Variants in RTRAF observed in about 807,000 individuals in gnomAD.
RTRAF encodes tRNA-splicing ligase complex subunit RTRAF.
A neutral mutation model predicts 34.4 loss-of-function variants in RTRAF; 14 were observed. The ratio of observed to expected loss-of-function variants is 0.41; its 90% CI spans 0.27 to 0.64. RTRAF has a LOEUF of 0.64. Ranked by LOEUF, RTRAF falls within the 30% of genes least tolerant of loss-of-function variation. RTRAF has a pLI of 0.34. For synonymous variants in RTRAF, 96 were observed against 95.3 expected (o/e 1.01, Z -0.04); for missense variants, 291 against 288.4 (o/e 1.01, Z -0.06).
At chr14:51,995,644 A>G (rs1200971651) in intron 3 of RTRAF, among the ~76,000 whole-genome samples, 2 of 152,052 alleles carry the variant, frequency 1.3e-5, no homozygotes, top group East Asian at 3.9e-4. Flanking sequence ...GTGCTTATCA[A>G]TTTCAGTAAT....
chr14:52,000,864 G>A (rs1215854539), intron 5 of RTRAF, among the ~76,000 whole-genome samples: 4 of 152,140 alleles, frequency 2.6e-5, no homozygotes, highest in African/African-American at 7.2e-5. Flanking sequence ...AATGCATAGC[G>A]TATTTGGGAT....
At position 52,004,102 on chromosome 14, in the gene RTRAF, A is replaced by G. The variant is rs1048041143; in HGVS notation, c.532-92A>G. 38 of 1,105,078 alleles carry G rather than the reference A, an allele frequency of 3.4e-5. No homozygotes were observed. The African/African-American group carries it at 4.7e-4, about 14-fold the overall frequency. 68.5% of individuals were successfully genotyped at this position (1,105,078 alleles called of 1,614,324 possible). A position where few individuals can be genotyped will look rare whatever the true frequency, so the allele number is the denominator to read the frequency against. The stretch of plus-strand genomic sequence containing the variant: ...CCCATGCAGCTAAAAGAGTTAAGAC[A>G]CCAGAATAGCTAGGTGCTTTTCAGT... On this transcript the variant is annotated intron_variant, in intron 6 of 7. Transcript: ENST00000261700.
chr14:52,005,426 C>CTGTTCTTTAGGGTCCAGGTTCTGATTG lies in RTRAF; in HGVS notation c.*912_*938dup. ...TTTACTTTCTTTGCCTTTGCAGTCA[C>CTGTTCTTTAGGGTCCAGGTTCTGATTG]TGTTCTTTAGGGTCCAGGTTCTGAT... On this transcript the variant is annotated 3_prime_UTR_variant, in exon 8 of 8. Transcript: ENST00000261700. The CTGTTCTTTAGGGTCCAGGTTCTGATTG allele has an allele frequency of 6.8e-7, 1 of 1,474,150 alleles. No individual in the cohort carries two copies. The highest frequency in any genetic ancestry group is 2.3e-5 in the Admixed American group (1 of 43,356). The allele number at this position is 1,474,150 out of a possible 1,614,324, so 91.3% of individuals were successfully genotyped here.
In RTRAF at chr14:52,007,080, A is replaced by G. The variant is rs945273788; in HGVS notation, c.*2564A>G. Reference sequence around the variant, plus strand: ...AAAATATTTTCTAGGTAGGAGGAAAAAAGTGACTAAAATGGTAACATAACT... The same window carrying G: ...AAAATATTTTCTAGGTAGGAGGAAAGAAGTGACTAAAATGGTAACATAACT... On this transcript the variant is annotated 3_prime_UTR_variant, in exon 8 of 8. Transcript: ENST00000261700. The G allele has an allele frequency of 5.1e-5, 8 of 155,814 alleles. No individual in the cohort carries two copies. Among genetic ancestry groups the G allele is most frequent in the African/African-American group, 1.9e-4 (8 of 41,488 alleles). The allele number at this position is 155,814 out of a possible 1,614,324, so 9.7% of individuals were successfully genotyped here.
At chr14:52,002,609 A>G (rs763285990) in intron 6 of RTRAF, among the ~76,000 whole-genome samples, 17 of 152,352 alleles carry the variant, frequency 1.1e-4, no homozygotes, top group Admixed American at 5.2e-4. Context: ...TTTAGATTAT[A>G]TCAGAAATCC....
intron 1 of RTRAF, among the ~76,000 whole-genome samples, chr14:51,990,114 C>T (rs1434225294): frequency 6.6e-6 from 1 of 152,158 alleles, no homozygotes; most frequent in Non-Finnish European, 1.5e-5. Context: ...GACTAGTTCA[C>T]TGCCTGCCAG....
At chr14:51,992,406 T>G (rs1234420185) in intron 2 of RTRAF, among the ~76,000 whole-genome samples, 1 of 152,188 alleles carries the variant, frequency 6.6e-6, no homozygotes. Flanking sequence ...CCTTTCCGTG[T>G]CTCAATTTTT....
Position 52,004,668 on chromosome 14 carries a change from T to TTTCTTTAATAAAGTTTA in RTRAF, c.*153_*169dup. ...ATTTACCACCATTGCTTATTGCTTT[T>TTTCTTTAATAAAGTTTA]TTCTTTAATAAAGTTTAGGAAAGTA... On this transcript the variant is annotated 3_prime_UTR_variant, in exon 8 of 8. Coordinates refer to ENST00000261700, the MANE Select transcript of RTRAF (RefSeq NM_016039.3). 1.5e-6 allele frequency: 1 copy of TTTCTTTAATAAAGTTTA among 656,752 alleles called. No homozygotes were observed. Among genetic ancestry groups the TTTCTTTAATAAAGTTTA allele is most frequent in the Non-Finnish European group, 2.5e-6 (1 of 405,612 alleles). 40.7% of individuals were successfully genotyped at this position (656,752 alleles called of 1,614,324 possible).
chr14:52,008,121 T>G lies in RTRAF; in HGVS notation c.*3605T>G, dbSNP rs993830757. ...TGCATTAGTAGTGTCTTGCTTCTTC[T>G]AGTGCATAGAGTATAGCAGAAGTGA... is the stretch of plus-strand genomic sequence containing the variant. On this transcript the variant is annotated 3_prime_UTR_variant, in exon 8 of 8. Transcript: ENST00000261700. The G allele has an allele frequency of 7.5e-5, 45 of 603,046 alleles. No individual in the cohort carries two copies. The African/African-American group carries it at 7.8e-4, about 11-fold the overall frequency. The allele number at this position is 603,046 out of a possible 1,614,324, so 37.4% of individuals were successfully genotyped here.
In RTRAF at chr14:52,005,698, C is replaced by T. The variant is rs372468937; in HGVS notation, c.*1182C>T. The T allele has an allele frequency of 2.3e-5, 35 of 1,519,416 alleles. No individual in the cohort carries two copies. In the East Asian group the frequency reaches 2.7e-4, roughly 12 times the overall value. 94.1% of individuals were successfully genotyped at this position (1,519,416 alleles called of 1,614,324 possible). A position where few individuals can be genotyped will look rare whatever the true frequency, so the allele number is the denominator to read the frequency against. ...ATACCATATATATCCCTTCTCTACC[C>T]TGCTAATTTAAAGGAGCATCCTAAA... On this transcript the variant is annotated 3_prime_UTR_variant, in exon 8 of 8. Transcript: ENST00000261700.
intron 5 of RTRAF, 57 bp downstream of exon 5, chr14:51,999,853 A>T (rs1890574670): frequency 8.3e-7 from 1 of 1,208,238 alleles, no homozygotes. Context: ...AAATGTCTTT[A>T]TTTTCTAAAT....
At chr14:51,993,534 T>G (rs982323367) in intron 2 of RTRAF, among the ~76,000 whole-genome samples, 189 bp from the exon 3 acceptor site, 1 of 152,204 alleles carries the variant, frequency 6.6e-6, no homozygotes, top group Non-Finnish European at 1.5e-5. Context: ...CGTATTCTAT[T>G]TTTTTTCTTA....
Position 52,004,675 on chromosome 14 carries a change from A to AATAAAGTTTAGGAAAGTAGAATT in RTRAF, c.*160_*182dup. On this transcript the variant is annotated 3_prime_UTR_variant, in exon 8 of 8. Coordinates refer to ENST00000261700, the MANE Select transcript of RTRAF (RefSeq NM_016039.3). ...ACCATTGCTTATTGCTTTTTTCTTT[A>AATAAAGTTTAGGAAAGTAGAATT]ATAAAGTTTAGGAAAGTAGAATTTT... 1 of 640,462 alleles carries AATAAAGTTTAGGAAAGTAGAATT rather than the reference A, an allele frequency of 1.6e-6. No individual in the cohort carries two copies. The allele number at this position is 640,462 out of a possible 1,614,324, so 39.7% of individuals were successfully genotyped here. A position where few individuals can be genotyped will look rare whatever the true frequency, so the allele number is the denominator to read the frequency against.
chr14:52,003,645 G>A (rs1427588276), intron 6 of RTRAF, among the ~76,000 whole-genome samples: 1 of 152,098 alleles, frequency 6.6e-6, no homozygotes, highest in East Asian at 1.9e-4. Context: ...GAGTGGTTTA[G>A]TTTTTCATTT....
intron 4 of RTRAF, 72 bp downstream of exon 4, chr14:51,998,652 G>T: frequency 1.0e-6 from 1 of 967,276 alleles, no homozygotes; most frequent in East Asian, 2.7e-5. Context: ...TTTGAAGAAT[G>T]AAGTCCAGGT....
In RTRAF at chr14:52,010,051, A is replaced by G. The variant is rs1422973665; in HGVS notation, c.*5535A>G. Reference sequence around the variant, plus strand: ...GTCCAAATGTCAGAAAGGCAAGCCTATGCAAAGAGTTTTTAAGAGGGCTAT... The same window carrying G: ...GTCCAAATGTCAGAAAGGCAAGCCTGTGCAAAGAGTTTTTAAGAGGGCTAT... On this transcript the variant is annotated 3_prime_UTR_variant, in exon 8 of 8. Coordinates refer to ENST00000261700, the MANE Select transcript of RTRAF (RefSeq NM_016039.3). The G allele has an allele frequency of 1.3e-5, 2 of 152,230 alleles. No individual in the cohort carries two copies. Among genetic ancestry groups the G allele is most frequent in the Admixed American group, 6.5e-5 (1 of 15,278 alleles). 9.4% of individuals were successfully genotyped at this position (152,230 alleles called of 1,614,324 possible).
chr14:52,008,919 A>G lies in RTRAF; in HGVS notation c.*4403A>G, dbSNP rs529646800. On this transcript the variant is annotated 3_prime_UTR_variant, in exon 8 of 8. Coordinates refer to ENST00000261700, the MANE Select transcript of RTRAF (RefSeq NM_016039.3). ...TTAAATGCCACGTTAAAAATGAAATATATTCATAACAGATACTAACGAGGA... is the reference window on the plus strand; with the variant it reads ...TTAAATGCCACGTTAAAAATGAAATGTATTCATAACAGATACTAACGAGGA... 1.3e-5 allele frequency: 2 copies of G among 152,308 alleles called. No individual in the cohort carries two copies. Among genetic ancestry groups the G allele is most frequent in the South Asian group, 2.1e-4 (1 of 4,832 alleles). 9.4% of individuals were successfully genotyped at this position (152,308 alleles called of 1,614,324 possible). A position where few individuals can be genotyped will look rare whatever the true frequency, so the allele number is the denominator to read the frequency against.
At chr14:51,999,107 G>A (rs1447960477) in intron 4 of RTRAF, among the ~76,000 whole-genome samples, 2 of 151,930 alleles carry the variant, frequency 1.3e-5, no homozygotes, top group Non-Finnish European at 2.9e-5. Context: ...AAGGTTTTGG[G>A]AAAACTATCC....
In RTRAF at chr14:51,991,439, A is replaced by G. The variant is rs1327512499; in HGVS notation, c.184A>G (p.Lys62Glu). The stretch of plus-strand genomic sequence containing the variant: ...CAGCGACTGGCCCAAGTTCTTTGAA[A>G]AGGTAATGAATTAGGAAGTAAAGTA... ...HSSDWPKFFE[K>E]YLRDVNCPFK... Residue 62 changes from lysine (K) to glutamate (E), a missense_variant and splice_region_variant, in exon 2 of 8, where the codon AAG becomes GAG. Physicochemically the swap from Lys to Glu is moderately conservative, Grantham distance 56. Transcript: ENST00000261700. 6.2e-7 allele frequency: 1 copy of G among 1,610,894 alleles called. No individual in the cohort carries two copies. The highest frequency in any genetic ancestry group is 1.7e-5 in the Admixed American group (1 of 59,496).
Sources: allele counts gnomAD v4.1 joint callset (sites outside exome capture counted in the v4.1 genomes callset), GRCh38; gene constraint gnomAD v4.1.1; transcripts MANE v1.5; gene names NCBI Gene and HGNC (gene_info 2026-07-23, HGNC 2026-07-21).